TMTC2: variants seen among roughly 807,000 people sequenced by gnomAD.
The protein encoded by TMTC2 is transmembrane O-mannosyltransferase targeting cadherins 2.
In TMTC2, 43 loss-of-function variants were observed where a neutral mutation model predicts 82.4. That is an observed-to-expected ratio of 0.52 (90% CI 0.41 to 0.67). The LOEUF (loss-of-function observed/expected upper bound fraction) is 0.67. Ranked by LOEUF, TMTC2 falls within the 30% of genes least tolerant of loss-of-function variation. The probability of loss-of-function intolerance (pLI) is 0.00; values close to 1 mark genes in which losing one functional copy is unlikely to be tolerated. For synonymous variants in TMTC2, 408 were observed against 381.9 expected, an observed-to-expected ratio of 1.07 and a Z score of -0.80; for missense variants, 919 against 1,012.4, an observed-to-expected ratio of 0.91 and a Z score of 1.25.
rs1885356222 is a variant in TMTC2, at chr12:83,134,088, G to A, written c.*1699G>A. The A allele has an allele frequency of 6.6e-6, 1 of 152,580 alleles. No homozygotes were observed. Among genetic ancestry groups the A allele is most frequent in the African/African-American group, 2.4e-5 (1 of 41,436 alleles). 9.5% of individuals were successfully genotyped at this position (152,580 alleles called of 1,614,324 possible). On this transcript the variant is annotated 3_prime_UTR_variant, in exon 12 of 12. Transcript: ENST00000321196. ...TGTTTTTGTGAGAAGGGTAAATGTA[G>A]TGAGAAAGGTTTTTTCATGGCATTA...
chr12:82,864,134 G>A (rs1285643461), intron 2 of TMTC2, among the ~76,000 whole-genome samples: 2 of 152,160 alleles, frequency 1.3e-5, no homozygotes, highest in Non-Finnish European at 2.9e-5. Flanking sequence ...TGGAGCAGTT[G>A]TTTTGGCAGA....
chr12:82,906,092 A>T (rs1320274727), intron 3 of TMTC2, among the ~76,000 whole-genome samples: 1 of 152,112 alleles, frequency 6.6e-6, no homozygotes, highest in Non-Finnish European at 1.5e-5. Flanking sequence ...AGAAACAAGT[A>T]TGTTGTAGGA....
chr12:82,876,000 TTGGTAA>T (rs1353488489), intron 2 of TMTC2, among the ~76,000 whole-genome samples: 10 of 139,602 alleles, frequency 7.2e-5, no homozygotes, highest in Non-Finnish European at 1.5e-4. Flanking sequence ...GGTGTTGGTA[TTGGTAA>T]TGGTAATGGT....
At chr12:82,716,773 C>G (rs1187998357) in intron 1 of TMTC2, among the ~76,000 whole-genome samples, 2 of 152,160 alleles carry the variant, frequency 1.3e-5, no homozygotes, top group Non-Finnish European at 2.9e-5. Flanking sequence ...GCACTATAGT[C>G]TACCATGTGT....
intron 9 of TMTC2, among the ~76,000 whole-genome samples, chr12:83,042,227 C>A (rs1881921349): frequency 6.6e-6 from 1 of 152,226 alleles, no homozygotes; most frequent in Admixed American, 6.5e-5. Flanking sequence ...TCTCTCCATT[C>A]TCATTACTGC....
intron 1 of TMTC2, among the ~76,000 whole-genome samples, chr12:82,735,788 A>G (rs554368216): frequency 6.6e-5 from 10 of 151,936 alleles, no homozygotes; most frequent in African/African-American, 2.4e-4. Flanking sequence ...AACATAGTGA[A>G]ACCCCGTCTC....
chr12:82,771,743 A>T (rs1877324082), intron 1 of TMTC2, among the ~76,000 whole-genome samples: 1 of 152,308 alleles, frequency 6.6e-6, no homozygotes, highest in African/African-American at 2.4e-5. Context: ...GATAAGTGCT[A>T]TTTTAGTAGA....
intron 1 of TMTC2, among the ~76,000 whole-genome samples, chr12:82,816,894 TG>T (rs1472340450): frequency 1.3e-5 from 2 of 151,998 alleles, no homozygotes; most frequent in African/African-American, 4.8e-5. Flanking sequence ...TAGGCTGAAT[TG>T]GTGAAAGAGA....
chr12:83,126,572 C>G (rs1319420115), intron 11 of TMTC2, among the ~76,000 whole-genome samples: 1 of 151,944 alleles, frequency 6.6e-6, no homozygotes, highest in Non-Finnish European at 1.5e-5. Flanking sequence ...AGGGCCTGAA[C>G]CAAGTTGGAC....
intron 1 of TMTC2, among the ~76,000 whole-genome samples, chr12:82,755,891 A>C (rs1876293756): frequency 6.6e-6 from 1 of 152,168 alleles, no homozygotes; most frequent in African/African-American, 2.4e-5. Flanking sequence ...TTTTTATCAT[A>C]ATAAAAATAG....
chr12:82,794,947 G>A (rs900186740), intron 1 of TMTC2, among the ~76,000 whole-genome samples: 7 of 152,198 alleles, frequency 4.6e-5, no homozygotes, highest in Non-Finnish European at 8.8e-5. Context: ...ATAAAAGGAG[G>A]CCGGGATTCT....
chr12:83,130,656 A>G (rs980544855), intron 11 of TMTC2, among the ~76,000 whole-genome samples: 1 of 152,230 alleles, frequency 6.6e-6, no homozygotes, highest in Non-Finnish European at 1.5e-5. Flanking sequence ...AGACTGCCCA[A>G]CAACATAAAA....
intron 1 of TMTC2, among the ~76,000 whole-genome samples, chr12:82,724,373 C>G (rs1874346840): frequency 6.6e-6 from 1 of 152,076 alleles, no homozygotes; most frequent in Non-Finnish European, 1.5e-5. Context: ...ATATGTATAA[C>G]CCCCCGTGTT....
intron 1 of TMTC2, among the ~76,000 whole-genome samples, chr12:82,735,948 A>G (rs1336557478): frequency 6.7e-6 from 1 of 150,200 alleles, no homozygotes; most frequent in African/African-American, 2.5e-5. Flanking sequence ...ACTGCAGCCC[A>G]GGTGACAGTG....
intron 1 of TMTC2, among the ~76,000 whole-genome samples, chr12:82,705,188 G>C (rs1402928930): frequency 6.6e-6 from 1 of 152,184 alleles, no homozygotes; most frequent in Non-Finnish European, 1.5e-5. Flanking sequence ...GGATTCAAGG[G>C]GAGAGGGTGG....
At chr12:83,099,896 T>C (rs948119280) in intron 11 of TMTC2, among the ~76,000 whole-genome samples, 1 of 149,074 alleles carries the variant, frequency 6.7e-6, no homozygotes, top group Non-Finnish European at 1.5e-5. Flanking sequence ...TAAAATAATA[T>C]CTTACATCTC....
At chr12:82,943,317 G>GC (rs1260736388) in intron 4 of TMTC2, among the ~76,000 whole-genome samples, 1 of 152,196 alleles carries the variant, frequency 6.6e-6, no homozygotes, top group African/African-American at 2.4e-5. Context: ...ACAGCCTGAT[G>GC]CTATGAAACC....
intron 1 of TMTC2, among the ~76,000 whole-genome samples, chr12:82,777,646 T>A (rs1411895839): frequency 3.3e-5 from 5 of 152,172 alleles, no homozygotes; most frequent in African/African-American, 1.2e-4. Context: ...TAAATGTCTT[T>A]TAAAAATTCT....
At chr12:82,724,906 T>C (rs180767423) in intron 1 of TMTC2, among the ~76,000 whole-genome samples, 21 of 152,296 alleles carry the variant, frequency 1.4e-4, no homozygotes, top group African/African-American at 4.6e-4. Context: ...ACATTTCTGC[T>C]GTGAGGGATG....
Sources: gnomAD v4.1 joint callset for allele counts (sites outside exome capture counted in the v4.1 genomes callset) on GRCh38, gnomAD v4.1.1 for gene constraint, MANE v1.5 for transcripts, NCBI Gene and HGNC (gene_info 2026-07-23, HGNC 2026-07-21) for gene names.